ZNF804A: variants seen among roughly 807,000 people sequenced by gnomAD.
ZNF804A encodes zinc finger protein 804A.
In ZNF804A, 2 loss-of-function variants were observed where a neutral mutation model predicts 16.5. The ratio of observed to expected loss-of-function variants is 0.12; its 90% CI spans 0.05 to 0.38. The LOEUF (loss-of-function observed/expected upper bound fraction) is 0.38, where lower values mean the gene tolerates loss of function less well. Ranked by LOEUF, ZNF804A falls within the 10% of genes least tolerant of loss-of-function variation. The pLI is 0.99. For missense variants in ZNF804A, 1,473 were observed against 1,390.7 expected (o/e 1.06, Z -0.94); for synonymous variants, 534 against 489.6 (o/e 1.09, Z -1.20).
In ZNF804A at chr2:184,836,377, T is replaced by C. The variant is rs577931952; in HGVS notation, c.112-29992T>C. On this transcript the variant is annotated intron_variant, in intron 1 of 3. Coordinates refer to ENST00000302277, the MANE Select transcript of ZNF804A (RefSeq NM_194250.2). ...GGGAGTTGTTTGTGCACACACCATG[T>C]TGCTGACACTGGGAATAAGTCATTA... is the stretch of plus-strand genomic sequence containing the variant. Among the ~76,000 whole-genome samples the C allele has an allele frequency of 1.9e-3, 295 of 152,182 alleles. 1 individual carries two copies. The highest frequency in any genetic ancestry group is 6.8e-3 in the African/African-American group (283 of 41,538).
At chr2:184,823,224 G>A (rs1159480875) in intron 1 of ZNF804A, among the ~76,000 whole-genome samples, 1 of 151,934 alleles carries the variant, frequency 6.6e-6, no homozygotes, top group African/African-American at 2.4e-5. Flanking sequence ...GGAGGGAAAG[G>A]CAGAAAGGGC....
intron 1 of ZNF804A, among the ~76,000 whole-genome samples, chr2:184,750,244 T>G (rs1286604698): frequency 1.3e-5 from 2 of 151,346 alleles, no homozygotes; most frequent in African/African-American, 2.4e-5. Context: ...GAAAATGATC[T>G]TCACAATACA....
intron 2 of ZNF804A, among the ~76,000 whole-genome samples, chr2:184,880,505 G>T (rs1289366000): frequency 1.3e-5 from 2 of 151,876 alleles, no homozygotes; most frequent in Non-Finnish European, 2.9e-5. Context: ...TATAATATAG[G>T]CAAACACAAG....
chr2:184,883,493 A>G (rs1558991924), intron 2 of ZNF804A, among the ~76,000 whole-genome samples: 1 of 152,094 alleles, frequency 6.6e-6, no homozygotes, highest in Non-Finnish European at 1.5e-5. Context: ...TGTCAAGCCA[A>G]TATCCTTGAT....
intron 1 of ZNF804A, among the ~76,000 whole-genome samples, chr2:184,701,783 G>A (rs1692923178): frequency 6.6e-6 from 1 of 151,946 alleles, no homozygotes; most frequent in South Asian, 2.1e-4. Context: ...TTGCTAACCA[G>A]TAACAAATTA....
chr2:184,741,205 C>T lies in ZNF804A; in HGVS notation c.112-125164C>T, dbSNP rs568073376. 2.9e-4 allele frequency among the ~76,000 whole-genome samples: 44 copies of T among 152,216 alleles called. 2 individuals carry two copies. The South Asian group carries it at 9.1e-3, about 32-fold the overall frequency. On this transcript the variant is annotated intron_variant, in intron 1 of 3. Transcript: ENST00000302277. ...AAAGCAGGTATACTGACAGCTACAG[C>T]TTCTTTTCTTGAAATAATAAAGATT...
At chr2:184,888,664 G>A (rs544205759) in intron 2 of ZNF804A, among the ~76,000 whole-genome samples, 1 of 152,052 alleles carries the variant, frequency 6.6e-6, no homozygotes, top group Non-Finnish European at 1.5e-5. Context: ...AGTTCTAAAT[G>A]CTGCCTAGAA....
chr2:184,822,674 G>A (rs1223807399), intron 1 of ZNF804A, among the ~76,000 whole-genome samples: 3 of 151,990 alleles, frequency 2.0e-5, no homozygotes, highest in Non-Finnish European at 2.9e-5. Context: ...TTAAAAGGTA[G>A]GATAGAACTT....
At chr2:184,898,354 T>C (rs2105825862) in intron 2 of ZNF804A, among the ~76,000 whole-genome samples, 1 of 152,202 alleles carries the variant, frequency 6.6e-6, no homozygotes, top group South Asian at 2.1e-4. Flanking sequence ...GTGTTTTTAC[T>C]CTCCTTTCCA....
intron 1 of ZNF804A, among the ~76,000 whole-genome samples, chr2:184,647,960 G>GA (rs1375519785): frequency 6.6e-6 from 1 of 151,980 alleles, no homozygotes; most frequent in Non-Finnish European, 1.5e-5. Context: ...CAACACTAAA[G>GA]AAAAAATGTT....
chr2:184,878,400 A>T (rs1427196211), intron 2 of ZNF804A, among the ~76,000 whole-genome samples: 2 of 152,068 alleles, frequency 1.3e-5, no homozygotes. Context: ...ACAATGGGCT[A>T]TACTAGCTTC....
intron 1 of ZNF804A, among the ~76,000 whole-genome samples, chr2:184,602,172 C>A (rs1023842455): frequency 2.6e-5 from 4 of 151,794 alleles, no homozygotes; most frequent in African/African-American, 9.7e-5. Flanking sequence ...GAAGACTAAG[C>A]CTCTTGTTAA....
chr2:184,627,064 A>T (rs544917610), intron 1 of ZNF804A, among the ~76,000 whole-genome samples: 52 of 152,308 alleles, frequency 3.4e-4, no homozygotes, highest in African/African-American at 1.2e-3. Flanking sequence ...ATAAATACAT[A>T]GTTCTACAGT....
chr2:184,598,638 G>A lies in ZNF804A; in HGVS notation c.-322G>A, dbSNP rs1224858247. ...TCCGCCCGGCCACCGCGCGGGCACT[G>A]ACTCCCGCTCGGTTCCGTTTCGCCG... On this transcript the variant is annotated 5_prime_UTR_variant, in exon 1 of 4. An upstream open reading frame in the 5' UTR loses its in-frame stop. Transcript: ENST00000302277. 1.1e-5 allele frequency: 2 copies of A among 186,852 alleles called. No individual in the cohort carries two copies. The highest frequency in any genetic ancestry group is 4.7e-5 in the African/African-American group (2 of 42,596). 11.6% of individuals were successfully genotyped at this position (186,852 alleles called of 1,614,324 possible). A position where few individuals can be genotyped will look rare whatever the true frequency, so the allele number is the denominator to read the frequency against.
At chr2:184,655,299 G>A (rs1439939556) in intron 1 of ZNF804A, among the ~76,000 whole-genome samples, 1 of 152,184 alleles carries the variant, frequency 6.6e-6, no homozygotes, top group Non-Finnish European at 1.5e-5. Context: ...GAATGCTGTT[G>A]ATAAACTGCA....
chr2:184,898,689 T>A (rs189096688), intron 2 of ZNF804A, among the ~76,000 whole-genome samples: 13 of 152,188 alleles, frequency 8.5e-5, no homozygotes, highest in Admixed American at 4.6e-4. Flanking sequence ...AAATAATTAA[T>A]AATTTACTTT....
At chr2:184,894,148 A>G (rs1685030615) in intron 2 of ZNF804A, among the ~76,000 whole-genome samples, 1 of 152,176 alleles carries the variant, frequency 6.6e-6, no homozygotes, top group African/African-American at 2.4e-5. Flanking sequence ...TGGAAAGGAA[A>G]CAAAGCTTAC....
At chr2:184,905,828 T>C (rs183519396) in intron 2 of ZNF804A, among the ~76,000 whole-genome samples, 71 of 152,324 alleles carry the variant, frequency 4.7e-4, no homozygotes, top group Non-Finnish European at 8.4e-4. Context: ...ACCACTGTTC[T>C]AGCTGTTCCA....
intron 1 of ZNF804A, among the ~76,000 whole-genome samples, chr2:184,668,934 A>C (rs1270048478): frequency 6.6e-6 from 1 of 151,978 alleles, no homozygotes; most frequent in Non-Finnish European, 1.5e-5. Context: ...CTTGGTCAGC[A>C]GAACATCTAA....
Sources: allele counts gnomAD v4.1 joint callset (sites outside exome capture counted in the v4.1 genomes callset), GRCh38; gene constraint gnomAD v4.1.1; transcripts MANE v1.5; gene names NCBI Gene and HGNC (gene_info 2026-07-23, HGNC 2026-07-21).